The following PKIA variants were observed in gnomAD, a reference collection of about 807,000 sequenced individuals.
The protein encoded by PKIA is cAMP-dependent protein kinase inhibitor alpha, also known as PKI-alpha.
A neutral mutation model predicts 7.6 loss-of-function variants in PKIA; 4 were observed. The observed-to-expected ratio is 0.52, with a 90% CI of 0.26 to 1.20. The LOEUF (loss-of-function observed/expected upper bound fraction) is 1.20. PKIA is among the 50% of genes most tolerant of loss of function. PKIA has a pLI of 0.13. For missense variants in PKIA, 73 were observed against 86.2 expected, an observed-to-expected ratio of 0.85 and a Z score of 0.61; for synonymous variants, 21 against 30.7, an observed-to-expected ratio of 0.68 and a Z score of 1.04.
intron 1 of PKIA, among the ~76,000 whole-genome samples, chr8:78,523,526 C>T (rs780954355): frequency 2.0e-5 from 3 of 151,898 alleles, no homozygotes; most frequent in Non-Finnish European, 2.9e-5. Context: ...CTACATTCCT[C>T]ACTTATATAC....
chr8:78,583,280 A>T (rs1303958892), intron 2 of PKIA, among the ~76,000 whole-genome samples: 2 of 152,140 alleles, frequency 1.3e-5, no homozygotes, highest in African/African-American at 2.4e-5. Context: ...GAGGCATGAA[A>T]ACTGAAGTGC....
Position 78,557,161 on chromosome 8 carries a change from C to T in PKIA, c.-156-15650C>T, listed in dbSNP as rs191109632. On this transcript the variant is annotated intron_variant, in intron 1 of 3. Coordinates refer to ENST00000396418, the MANE Select transcript of PKIA (RefSeq NM_006823.4). ...AAAAAGCAAACAAGAATGAATGTGA[C>T]GCCAATTAATATAATTACTAATTAG... Among the ~76,000 whole-genome samples, 19 of 152,192 alleles carry T rather than the reference C, an allele frequency of 1.2e-4. No individual in the cohort carries two copies. The East Asian group carries it at 1.7e-3, about 14-fold the overall frequency.
Position 78,557,349 on chromosome 8 carries a change from G to A in PKIA, c.-156-15462G>A, listed in dbSNP as rs182419096. On this transcript the variant is annotated intron_variant, in intron 1 of 3. Coordinates refer to ENST00000396418, the MANE Select transcript of PKIA (RefSeq NM_006823.4). ...ACACTCAATTTGTGCCCATGGATAA[G>A]ACATACTATATTATAGGAGAATCAA... is the stretch of plus-strand genomic sequence containing the variant. Among the ~76,000 whole-genome samples, 685 of 152,190 alleles carry A rather than the reference G, an allele frequency of 4.5e-3. 7 individuals carry two copies. The highest frequency in any genetic ancestry group is 0.015 in the African/African-American group (637 of 41,534).
chr8:78,529,943 A>G (rs931236877), intron 1 of PKIA, among the ~76,000 whole-genome samples: 2 of 152,044 alleles, frequency 1.3e-5, no homozygotes, highest in African/African-American at 4.8e-5. Context: ...CTGCGTAAAA[A>G]GAAATTCATG....
chr8:78,552,222 G>T (rs1236622520), intron 1 of PKIA, among the ~76,000 whole-genome samples: 1 of 150,838 alleles, frequency 6.6e-6, no homozygotes, highest in Admixed American at 6.6e-5. Context: ...AAGAATTTGT[G>T]GTGAGAAAAA....
At chr8:78,548,579 GGAAA>G (rs972780554) in intron 1 of PKIA, among the ~76,000 whole-genome samples, 5 of 151,978 alleles carry the variant, frequency 3.3e-5, no homozygotes, top group Non-Finnish European at 5.9e-5. Flanking sequence ...CTATGTGTTT[GGAAA>G]GTATTTTGTG....
chr8:78,601,307 G>C (rs2130295415), intron 3 of PKIA, among the ~76,000 whole-genome samples: 1 of 152,188 alleles, frequency 6.6e-6, no homozygotes, highest in Middle Eastern at 3.4e-3. Context: ...ATAAAAAGGA[G>C]AAAATGCAGT....
At chr8:78,595,345 GAAAAAGAA>G (rs1322967488) in intron 2 of PKIA, among the ~76,000 whole-genome samples, 8 of 152,128 alleles carry the variant, frequency 5.3e-5, no homozygotes, top group Admixed American at 5.2e-4. Flanking sequence ...AAGAGGAAAA[GAAAAAGAA>G]AAGGTGGCTG....
rs1317182919 is a variant in PKIA, at chr8:78,604,038, C to T, written c.*2217C>T. 1 of 151,926 alleles carries T rather than the reference C, an allele frequency of 6.6e-6. No individual in the cohort carries two copies. The highest frequency in any genetic ancestry group is 2.4e-5 in the African/African-American group (1 of 41,388). The allele number at this position is 151,926 out of a possible 1,614,324, so 9.4% of individuals were successfully genotyped here. A position where few individuals can be genotyped will look rare whatever the true frequency, so the allele number is the denominator to read the frequency against. ...AGCTAGGGAGATAAAAATTAATTTTCTAAAATGTCCACATCCTATACATTT... is the reference window on the plus strand; with the variant it reads ...AGCTAGGGAGATAAAAATTAATTTTTTAAAATGTCCACATCCTATACATTT... On this transcript the variant is annotated 3_prime_UTR_variant, in exon 4 of 4. Transcript: ENST00000396418.
At position 78,547,453 on chromosome 8, in the gene PKIA, G is replaced by A. The variant is rs149274467; in HGVS notation, c.-156-25358G>A. ...CACAAATAGCCATAAATAGCACAGG[G>A]GTAGGACTTTTTCCATTGAAAAATA... On this transcript the variant is annotated intron_variant, in intron 1 of 3. Transcript: ENST00000396418. 3.4e-3 allele frequency among the ~76,000 whole-genome samples: 515 copies of A among 152,024 alleles called. 2 individuals carry two copies. Among genetic ancestry groups the A allele is most frequent in the African/African-American group, 0.011 (475 of 41,454 alleles).
intron 1 of PKIA, among the ~76,000 whole-genome samples, chr8:78,566,352 G>A (rs1807413140): frequency 6.6e-6 from 1 of 152,006 alleles, no homozygotes; most frequent in South Asian, 2.1e-4. Context: ...AGTAGCAGAA[G>A]GCAAAGAGAA....
At chr8:78,555,657 G>A (rs980026672) in intron 1 of PKIA, among the ~76,000 whole-genome samples, 7 of 152,008 alleles carry the variant, frequency 4.6e-5, no homozygotes, top group Non-Finnish European at 2.9e-5. Context: ...CAGTGAGAAG[G>A]AGTTGGATAA....
intron 1 of PKIA, among the ~76,000 whole-genome samples, chr8:78,557,072 C>T (rs1169698044): frequency 6.6e-6 from 1 of 152,046 alleles, no homozygotes; most frequent in African/African-American, 2.4e-5. Context: ...TTCCTCCTAA[C>T]CTTCCTTATC....
chr8:78,547,479 T>C (rs974366002), intron 1 of PKIA, among the ~76,000 whole-genome samples: 6 of 152,178 alleles, frequency 3.9e-5, no homozygotes, highest in Non-Finnish European at 8.8e-5. Flanking sequence ...TTGAAAAATA[T>C]ATGACTTCTC....
At chr8:78,524,053 T>C (rs534575554) in intron 1 of PKIA, among the ~76,000 whole-genome samples, 1 of 130,438 alleles carries the variant, frequency 7.7e-6, no homozygotes, top group South Asian at 2.2e-4. Context: ...TATAAATATA[T>C]ATAAACATTT....
rs34597437 is a variant in PKIA, at chr8:78,602,694, A to AATATATATATATATATAT, written c.*876_*893dup. On this transcript the variant is annotated 3_prime_UTR_variant, in exon 4 of 4. Transcript: ENST00000396418. ...CTCAAGTGGAGAACTTCTCCCACAT[A>AATATATATATATATATAT]ATATATATATATATATATATTTTAA... 2.6e-3 allele frequency: 358 copies of AATATATATATATATATAT among 136,922 alleles called. 4 individuals are homozygous for AATATATATATATATATAT. The highest frequency in any genetic ancestry group is 8.6e-3 in the African/African-American group (309 of 35,754). 8.5% of individuals were successfully genotyped at this position (136,922 alleles called of 1,614,324 possible). A position where few individuals can be genotyped will look rare whatever the true frequency, so the allele number is the denominator to read the frequency against.
chr8:78,554,252 C>T (rs1172554776), intron 1 of PKIA, among the ~76,000 whole-genome samples: 1 of 151,952 alleles, frequency 6.6e-6, no homozygotes, highest in Non-Finnish European at 1.5e-5. Context: ...TGACGCCAGG[C>T]CAGGGTTTTC....
At chr8:78,545,433 G>T (rs1280747685) in intron 1 of PKIA, among the ~76,000 whole-genome samples, 1 of 152,080 alleles carries the variant, frequency 6.6e-6, no homozygotes, top group Non-Finnish European at 1.5e-5. Flanking sequence ...TTTTGAAATA[G>T]TTCTGATATA....
At chr8:78,591,613 A>G (rs77455786) in intron 2 of PKIA, among the ~76,000 whole-genome samples, 2,267 of 152,280 alleles carry the variant, frequency 0.015, 61 homozygotes, top group African/African-American at 0.053. Context: ...TTAAAATTTA[A>G]TACAACTTTA....
Sources: gnomAD v4.1 joint callset for allele counts (sites outside exome capture counted in the v4.1 genomes callset) on GRCh38, gnomAD v4.1.1 for gene constraint, MANE v1.5 for transcripts, NCBI Gene and HGNC (gene_info 2026-07-23, HGNC 2026-07-21) for gene names.